Variants in ITCH observed in about 807,000 individuals in gnomAD.
ITCH encodes E3 ubiquitin-protein ligase Itchy homolog.
ITCH carries 28 observed loss-of-function variants against 126.8 expected under a neutral mutation model. The observed-to-expected ratio is 0.22, with a 90% CI of 0.16 to 0.30. The LOEUF is 0.30. Among genes scored for constraint, ITCH ranks in the 10% least tolerant of loss-of-function variants. ITCH has a pLI of 1.00. For missense variants in ITCH, 631 were observed against 1,032.4 expected, an observed-to-expected ratio of 0.61 and a Z score of 5.33; for synonymous variants, 342 against 340.0, an observed-to-expected ratio of 1.01 and a Z score of -0.06.
chr20:34,453,685 A>G (rs1985527805), intron 12 of ITCH, among the ~76,000 whole-genome samples: 1 of 152,126 alleles, frequency 6.6e-6, no homozygotes, highest in South Asian at 2.1e-4. Flanking sequence ...ATTTGGATAT[A>G]TATTTTTAAA....
intron 2 of ITCH, among the ~76,000 whole-genome samples, chr20:34,374,534 C>A (rs1406849748): frequency 6.6e-6 from 1 of 152,090 alleles, no homozygotes; most frequent in African/African-American, 2.4e-5. Flanking sequence ...TTACCATCAA[C>A]CTTATCTTTC....
intron 20 of ITCH, among the ~76,000 whole-genome samples, chr20:34,483,609 T>C: frequency 6.6e-6 from 1 of 152,202 alleles, no homozygotes; most frequent in Non-Finnish European, 1.5e-5. Context: ...TGGACTTTAT[T>C]GTCCATATTG....
chr20:34,457,520 C>T (rs759351770), intron 13 of ITCH, 46 bp downstream of exon 13: 14 of 1,264,626 alleles, frequency 1.1e-5, no homozygotes, highest in Non-Finnish European at 1.5e-5. Context: ...AAGATTATAC[C>T]TTATTTCTAA....
intron 2 of ITCH, among the ~76,000 whole-genome samples, chr20:34,382,692 G>A (rs534307186): frequency 1.3e-5 from 2 of 150,730 alleles, no homozygotes; most frequent in East Asian, 3.9e-4. Context: ...ATAGGTGTGA[G>A]CCACCACGCT....
chr20:34,461,574 G>A (rs11907886), intron 13 of ITCH, among the ~76,000 whole-genome samples: 2 of 152,050 alleles, frequency 1.3e-5, no homozygotes, highest in Non-Finnish European at 2.9e-5. Flanking sequence ...CTGGGCGTGG[G>A]CGTGGTGGCA....
chr20:34,493,674 T>C (rs1298038411), intron 23 of ITCH, among the ~76,000 whole-genome samples: 1 of 152,108 alleles, frequency 6.6e-6, no homozygotes, highest in Non-Finnish European at 1.5e-5. Context: ...TATGCATCGT[T>C]GTAGATGTTG....
At chr20:34,427,412 C>A (rs967598666) in intron 7 of ITCH, among the ~76,000 whole-genome samples, 2 of 151,904 alleles carry the variant, frequency 1.3e-5, no homozygotes, top group Non-Finnish European at 2.9e-5. Flanking sequence ...TGAGTGAGAC[C>A]TCATCTCTAC....
intron 14 of ITCH, among the ~76,000 whole-genome samples, chr20:34,463,486 A>G (rs1986733682): frequency 6.6e-6 from 1 of 152,208 alleles, no homozygotes; most frequent in Non-Finnish European, 1.5e-5. Flanking sequence ...TGGATTAAAT[A>G]TTAATTCTGT....
At chr20:34,387,273 A>T (rs2038318009) in intron 2 of ITCH, among the ~76,000 whole-genome samples, 1 of 151,644 alleles carries the variant, frequency 6.6e-6, no homozygotes, top group African/African-American at 2.4e-5. Flanking sequence ...CCTGCACTCC[A>T]GCCTGGGCGA....
intron 2 of ITCH, among the ~76,000 whole-genome samples, chr20:34,384,658 CTTTT>C (rs5841172): frequency 4.2e-5 from 3 of 71,104 alleles, no homozygotes; most frequent in Admixed American, 1.7e-4. Context: ...ATATTAGGGT[CTTTT>C]TTTTTTTTTT....
chr20:34,395,802 A>G (rs1292939807), intron 3 of ITCH, among the ~76,000 whole-genome samples: 1 of 152,110 alleles, frequency 6.6e-6, no homozygotes, highest in Non-Finnish European at 1.5e-5. Context: ...GCTAAATAAT[A>G]TTTTATTGTA....
chr20:34,444,690 G>A (rs192839902), intron 10 of ITCH, among the ~76,000 whole-genome samples: 107 of 152,290 alleles, frequency 7.0e-4, no homozygotes, highest in Non-Finnish European at 1.8e-4. Flanking sequence ...TGCCCAGGCT[G>A]GAGTGTATTG....
At chr20:34,440,086 A>G (rs1983538284) in intron 8 of ITCH, 69 bp from the exon 9 acceptor site, 9 of 1,096,354 alleles carry the variant, frequency 8.2e-6, no homozygotes, top group African/African-American at 1.6e-5. Context: ...TATTTTTTAC[A>G]GTTAAAATTC....
At chr20:34,381,139 G>A (rs1215129558) in intron 2 of ITCH, among the ~76,000 whole-genome samples, 1 of 152,086 alleles carries the variant, frequency 6.6e-6, no homozygotes, top group Non-Finnish European at 1.5e-5. Flanking sequence ...GGTGGCTTGC[G>A]CCTGTAATCC....
rs137911840 is a variant in ITCH, at chr20:34,434,518, A to G, written c.522-3956A>G. ...AAGAAAGCATTAAAAGATGTTGGGC[A>G]GTCCTAGAGGATATAGTCTGCCATC... On this transcript the variant is annotated intron_variant, in intron 7 of 24. Coordinates refer to ENST00000374864, the MANE Select transcript of ITCH (RefSeq NM_031483.7). Among the ~76,000 whole-genome samples the G allele has an allele frequency of 7.9e-5, 12 of 152,340 alleles. No individual in the cohort carries two copies. The East Asian group carries it at 1.9e-3, about 24-fold the overall frequency.
chr20:34,389,129 A>G (rs1192281158), intron 2 of ITCH, among the ~76,000 whole-genome samples: 1 of 152,114 alleles, frequency 6.6e-6, no homozygotes, highest in Non-Finnish European at 1.5e-5. Flanking sequence ...TTCACATCCC[A>G]TGAGTACTGT....
chr20:34,395,209 G>T (rs2038632146), intron 3 of ITCH, among the ~76,000 whole-genome samples: 1 of 151,094 alleles, frequency 6.6e-6, no homozygotes, highest in Non-Finnish European at 1.5e-5. Flanking sequence ...CTCCAGCCTG[G>T]GCGACAGAGC....
rs975765133 is a variant in ITCH, at chr20:34,487,853, C to T, written c.2094-1413C>T. Among the ~76,000 whole-genome samples, 41 of 152,270 alleles carry T rather than the reference C, an allele frequency of 2.7e-4. 1 individual carries two copies. Among genetic ancestry groups the T allele is most frequent in the Non-Finnish European group, 4.7e-4 (32 of 68,004 alleles). On this transcript the variant is annotated intron_variant, in intron 20 of 24. Transcript: ENST00000374864. Reference sequence around the variant, plus strand: ...ACTTGGGAGGCTGAGGCATGAGAATCGCTTGAACCCAGGTGGCGGAGGTTG... The same window carrying T: ...ACTTGGGAGGCTGAGGCATGAGAATTGCTTGAACCCAGGTGGCGGAGGTTG...
At chr20:34,363,507 G>C (rs1370444574) in intron 1 of ITCH, among the ~76,000 whole-genome samples, 158 bp downstream of exon 1, 1 of 152,176 alleles carries the variant, frequency 6.6e-6, no homozygotes, top group African/African-American at 2.4e-5. Flanking sequence ...TGTCGGGGGC[G>C]CGGGGAGCTC....
Sources: allele counts gnomAD v4.1 joint callset (sites outside exome capture counted in the v4.1 genomes callset), GRCh38; gene constraint gnomAD v4.1.1; transcripts MANE v1.5; gene names NCBI Gene and HGNC (gene_info 2026-07-23, HGNC 2026-07-21).